The following TMEM237 variants were observed in gnomAD, a reference collection of about 807,000 sequenced individuals.
TMEM237 encodes amyotrophic lateral sclerosis 2 (juvenile) chromosome region, candidate 4.
In TMEM237, 51 loss-of-function variants were observed where a neutral mutation model predicts 59.1. The ratio of observed to expected loss-of-function variants is 0.86; its 90% CI spans 0.69 to 1.09. The LOEUF (loss-of-function observed/expected upper bound fraction) is 1.09. TMEM237 is among the 50% of genes least tolerant of loss of function. The pLI, the probability that TMEM237 is intolerant of heterozygous loss-of-function variation, is 0.00. For synonymous variants in TMEM237, 140 were observed against 166.1 expected, an observed-to-expected ratio of 0.84 and a Z score of 1.21; for missense variants, 475 against 478.3, an observed-to-expected ratio of 0.99 and a Z score of 0.06.
chr2:201,632,764 G>A (rs879876505), intron 6 of TMEM237, among the ~76,000 whole-genome samples: 16 of 152,082 alleles, frequency 1.1e-4, no homozygotes, highest in Admixed American at 2.0e-4. Context: ...ATCCAGTCTC[G>A]GGTATGTCTT....
chr2:201,622,262 T>C lies in TMEM237; in HGVS notation c.*1993A>G, dbSNP rs938734975. 6.6e-6 allele frequency: 1 copy of C among 152,254 alleles called. No homozygotes were observed. Among genetic ancestry groups the C allele is most frequent in the African/African-American group, 2.4e-5 (1 of 41,462 alleles). The allele number at this position is 152,254 out of a possible 1,614,324, so 9.4% of individuals were successfully genotyped here. On this transcript the variant is annotated 3_prime_UTR_variant, in exon 13 of 13. Transcript: ENST00000409883. ...TTCTTTATTCTCTAGGATATATAGC[T>C]TTCTATTGCTGCCATAAGCAATCAC...
chr2:201,626,834 C>A (rs1270571014), intron 11 of TMEM237, among the ~76,000 whole-genome samples: 1 of 152,222 alleles, frequency 6.6e-6, no homozygotes, highest in Non-Finnish European at 1.5e-5. Flanking sequence ...ATAATCCCAA[C>A]AATATGGGAG....
chr2:201,636,796 G>C lies in TMEM237; in HGVS notation c.226C>G (p.Pro76Ala). Reference sequence around the variant, plus strand: ...TGTCTTCTTTGAACAGGAGCCTCTGGGTGCTCTTTGAGTTCTTTAGTTGAT... The same window carrying C: ...TGTCTTCTTTGAACAGGAGCCTCTGCGTGCTCTTTGAGTTCTTTAGTTGAT... Reference protein sequence around the residue: ...EPSTKELKEHPEAPVQRRQKK... With the variant: ...EPSTKELKEHAEAPVQRRQKK... The change falls in exon 5 of 13, where the codon CCA becomes GCA. Residue 76 changes from proline (P) to alanine (A), a missense_variant. Pro to Ala is a conservative substitution (Grantham distance 27). Coordinates refer to ENST00000409883, the MANE Select transcript of TMEM237 (RefSeq NM_001044385.3). 6.3e-7 allele frequency: 1 copy of C among 1,592,728 alleles called. No homozygotes were observed. Among genetic ancestry groups the C allele is most frequent in the Non-Finnish European group, 8.6e-7 (1 of 1,169,024 alleles).
At chr2:201,625,689 A>G (rs1019987300) in intron 12 of TMEM237, among the ~76,000 whole-genome samples, 1 of 152,212 alleles carries the variant, frequency 6.6e-6, no homozygotes, top group Non-Finnish European at 1.5e-5. Flanking sequence ...AGCATGATTT[A>G]TTTCAAAATT....
In TMEM237 at chr2:201,643,069, G is replaced by T. The variant is rs994624425; in HGVS notation, c.42+290C>A. 26 of 1,142,768 alleles carry T rather than the reference G, an allele frequency of 2.3e-5. No homozygotes were observed. In the South Asian group the frequency reaches 3.6e-4, roughly 16 times the overall value. 70.8% of individuals were successfully genotyped at this position (1,142,768 alleles called of 1,614,324 possible). ...TGGCTGGAAGCCCCGGCACCCGCCG[G>T]GCCCCGGGCCTCAGATGAGTGAGGC... On this transcript the variant is annotated intron_variant, in intron 1 of 12. Coordinates refer to ENST00000409883, the MANE Select transcript of TMEM237 (RefSeq NM_001044385.3). The surrounding 1 kb of genome is among the most constrained non-coding windows in gnomAD (Gnocchi z 4.3).
At chr2:201,638,882 G>A in intron 4 of TMEM237, 107 bp downstream of exon 4, 1 of 1,084,228 alleles carries the variant, frequency 9.2e-7, no homozygotes, top group Non-Finnish European at 1.3e-6. Context: ...CAATGAAGTG[G>A]AGATTCGGGG....
Position 201,622,628 on chromosome 2 carries a change from C to G in TMEM237, c.*1627G>C, listed in dbSNP as rs1957718696. ...TCTGACCACAGACATAAAAGGCTTT[C>G]TTCTCTGCTTTTAAGGACTCATAAG... On this transcript the variant is annotated 3_prime_UTR_variant, in exon 13 of 13. Coordinates refer to ENST00000409883, the MANE Select transcript of TMEM237 (RefSeq NM_001044385.3). 1 of 151,122 alleles carries G rather than the reference C, an allele frequency of 6.6e-6. No homozygotes were observed. The highest frequency in any genetic ancestry group is 3.5e-3 in the Middle Eastern group (1 of 284). 9.4% of individuals were successfully genotyped at this position (151,122 alleles called of 1,614,324 possible).
chr2:201,627,965 T>C, intron 10 of TMEM237, 111 bp downstream of exon 10: 3 of 634,764 alleles, frequency 4.7e-6, no homozygotes, highest in South Asian at 5.8e-5. Flanking sequence ...CTATAGGTAA[T>C]GTTTATAAGG....
Position 201,632,124 on chromosome 2 carries a change from C to T in TMEM237, c.480G>A (p.Val160=). 6 of 1,613,870 alleles carry T rather than the reference C, an allele frequency of 3.7e-6. No homozygotes were observed. The highest frequency in any genetic ancestry group is 1.3e-5 in the African/African-American group (1 of 75,046). The change falls in exon 7 of 13, where the codon GTG becomes GTA. Residue 160 remains valine (V), a synonymous_variant. Transcript: ENST00000409883. The part of the protein sequence containing the change: ...EDIITDEQTT[V]EQQSVFTAPT... ...GTGCAGTGAATACAGACTGCTGTTC[C>T]ACAGTAGTTTGCTCATCAGTGATTA...
At position 201,620,499 on chromosome 2, in the gene TMEM237, A is replaced by G. The variant is rs774570708; in HGVS notation, c.*3756T>C. ...TGTTTATTCAGGAGTAGGCATTGCA[A>G]TAAGAATACAAGTGCCACAGTAAAC... is the stretch of plus-strand genomic sequence containing the variant. On this transcript the variant is annotated 3_prime_UTR_variant, in exon 13 of 13. Coordinates refer to ENST00000409883, the MANE Select transcript of TMEM237 (RefSeq NM_001044385.3). The G allele has an allele frequency of 5.3e-5, 8 of 152,208 alleles. No homozygotes were observed. 9.4% of individuals were successfully genotyped at this position (152,208 alleles called of 1,614,324 possible). A position where few individuals can be genotyped will look rare whatever the true frequency, so the allele number is the denominator to read the frequency against.
Position 201,622,331 on chromosome 2 carries a change from G to A in TMEM237, c.*1924C>T, listed in dbSNP as rs536399581. 5 of 152,316 alleles carry A rather than the reference G, an allele frequency of 3.3e-5. No individual in the cohort carries two copies. The highest frequency in any genetic ancestry group is 1.2e-4 in the African/African-American group (5 of 41,566). The allele number at this position is 152,316 out of a possible 1,614,324, so 9.4% of individuals were successfully genotyped here. A position where few individuals can be genotyped will look rare whatever the true frequency, so the allele number is the denominator to read the frequency against. ...GTCAACATACACTTGCTATCTTACA[G>A]TTCTGTATGTCAAAAGTATGACATG... On this transcript the variant is annotated 3_prime_UTR_variant, in exon 13 of 13. Transcript: ENST00000409883.
chr2:201,643,386 C>A lies in TMEM237; in HGVS notation c.15G>T (p.Ser5=). Residue 5 remains serine, a synonymous_variant, in exon 1 of 13, where the codon TCG becomes TCT. Coordinates refer to ENST00000409883, the MANE Select transcript of TMEM237 (RefSeq NM_001044385.3). This position sits in a 1 kb window ranked among gnomAD's most constrained non-coding sequence, Gnocchi z 4.3. The part of the protein sequence containing the change: MRTD[S]GARLEEGHLR... ...GGTGGCCCTCCTCCAGCCGAGCCCC[C>A]GAGTCAGTCCTCATGGTGCTCTCCC... The A allele has an allele frequency of 6.5e-7, 1 of 1,545,606 alleles. No homozygotes were observed. The highest frequency in any genetic ancestry group is 8.7e-7 in the Non-Finnish European group (1 of 1,144,896).
At chr2:201,625,186 C>T (rs1957746931) in intron 12 of TMEM237, among the ~76,000 whole-genome samples, 3 of 151,896 alleles carry the variant, frequency 2.0e-5, no homozygotes, top group African/African-American at 7.3e-5. Flanking sequence ...CATGGTGAAA[C>T]CCTGTCTCTA....
rs746397300 is a variant in TMEM237 at position 201,624,110 on chromosome 2, A to T, written c.*145T>A. 3 of 500,694 alleles carry T rather than the reference A, an allele frequency of 6.0e-6. No individual in the cohort carries two copies. The Admixed American group carries it at 1.2e-4, about 19-fold the overall frequency. The allele number at this position is 500,694 out of a possible 1,614,324, so 31.0% of individuals were successfully genotyped here. On this transcript the variant is annotated 3_prime_UTR_variant, in exon 13 of 13. Coordinates refer to ENST00000409883, the MANE Select transcript of TMEM237 (RefSeq NM_001044385.3). ...CATAAACAGCAAACACAATTTTAAC[A>T]TTTTTCATAATATTGAGAGATGTTT...
intron 5 of TMEM237, among the ~76,000 whole-genome samples, chr2:201,634,145 G>A (rs77757383): frequency 3.9e-4 from 60 of 152,018 alleles, no homozygotes; most frequent in East Asian, 1.9e-4. Context: ...GCCAGCTAAC[G>A]GCCAATCTTA....
intron 3 of TMEM237, among the ~76,000 whole-genome samples, chr2:201,639,536 C>T (rs1327136883): frequency 1.3e-5 from 2 of 152,186 alleles, no homozygotes; most frequent in African/African-American, 4.8e-5. Context: ...TGGCTCACAC[C>T]TGTAATCCCA....
chr2:201,629,216 G>A lies in TMEM237; in HGVS notation c.869+14C>T. ...CCTGAAGAAGTTAGACAGATCTGGA[G>A]TCATAGGCATTACCTGTCAAAAGCT... is the stretch of plus-strand genomic sequence containing the variant. On this transcript the variant is annotated intron_variant, in intron 9 of 12. Coordinates refer to ENST00000409883, the MANE Select transcript of TMEM237 (RefSeq NM_001044385.3). 1 of 1,531,020 alleles carries A rather than the reference G, an allele frequency of 6.5e-7. No homozygotes were observed. The highest frequency in any genetic ancestry group is 8.7e-7 in the Non-Finnish European group (1 of 1,146,046). The allele number at this position is 1,531,020 out of a possible 1,614,324, so 94.8% of individuals were successfully genotyped here. A position where few individuals can be genotyped will look rare whatever the true frequency, so the allele number is the denominator to read the frequency against.
Position 201,626,128 on chromosome 2 carries a change from G to C in TMEM237, c.1057C>G (p.Gln353Glu), listed in dbSNP as rs765010894. The C allele has an allele frequency of 1.9e-6, 3 of 1,611,146 alleles. 1 individual carries two copies. In the South Asian group the frequency reaches 3.3e-5, roughly 18 times the overall value. Residue 353 changes from glutamine (Q) to glutamate (E), a missense_variant, in exon 12 of 13, where the codon CAG (glutamine) becomes GAG (glutamate). By Grantham distance (29) the Gln-to-Glu change is conservative. Coordinates refer to ENST00000409883, the MANE Select transcript of TMEM237 (RefSeq NM_001044385.3). Reference sequence around the variant, plus strand: ...ACCACAATCCATGGCTGGAGAATCTGTTCCTCAATTCCTGCTTCCCTAAAA... The same window carrying C: ...ACCACAATCCATGGCTGGAGAATCTCTTCCTCAATTCCTGCTTCCCTAAAA... ...GSLWEAGIEE[Q>E]ILQPWIVVNL...
chr2:201,633,455 T>G, intron 5 of TMEM237, 24 bp from the exon 6 acceptor site: 1 of 1,494,908 alleles, frequency 6.7e-7, no homozygotes, highest in Non-Finnish European at 8.9e-7. Context: ...AAATTTAACT[T>G]TTCAAATAAC....
Sources: gnomAD v4.1 joint callset for allele counts (sites outside exome capture counted in the v4.1 genomes callset) on GRCh38, gnomAD v4.1.1 for gene constraint, Gnocchi (gnomAD v3.1) non-coding constraint, MANE v1.5 for transcripts, NCBI Gene and HGNC (gene_info 2026-07-23, HGNC 2026-07-21) for gene names.